PLEKHH2: variants seen among roughly 807,000 people sequenced by gnomAD.
PLEKHH2 encodes pleckstrin homology, MyTH4 and FERM domain containing H2.
In PLEKHH2, 129 loss-of-function variants were observed where a neutral mutation model predicts 187.9. That is an observed-to-expected ratio of 0.69 (90% confidence interval 0.59 to 0.79). PLEKHH2 has a LOEUF of 0.79. PLEKHH2 is among the 30% of genes least tolerant of loss of function. The pLI is 0.00. For synonymous variants in PLEKHH2, 686 were observed against 605.6 expected (o/e 1.13, Z -1.95); for missense variants, 2,076 against 1,751.2 (o/e 1.19, Z -3.31).
intron 8 of PLEKHH2, among the ~76,000 whole-genome samples, chr2:43,701,857 A>T (rs28558503): frequency 0.59 from 89,104 of 150,314 alleles, 27,734 homozygotes; most frequent in African/African-American, 0.78. Flanking sequence ...AACCTCTGCC[A>T]CCTGGGTTCA....
chr2:43,731,632 T>A (rs1401003920), intron 19 of PLEKHH2, 30 bp downstream of exon 19: 8 of 1,363,790 alleles, frequency 5.9e-6, no homozygotes, highest in Non-Finnish European at 8.1e-6. Context: ...TTAAATGATT[T>A]AAGGTAAAAT....
intron 20 of PLEKHH2, among the ~76,000 whole-genome samples, chr2:43,739,606 T>C (rs1671466284): frequency 6.6e-6 from 1 of 152,190 alleles, no homozygotes; most frequent in Non-Finnish European, 1.5e-5. Context: ...GTAAACACAG[T>C]TAATAAGCCT....
intron 27 of PLEKHH2, among the ~76,000 whole-genome samples, chr2:43,760,841 T>C (rs1325064935): frequency 6.6e-6 from 1 of 152,262 alleles, no homozygotes; most frequent in Non-Finnish European, 1.5e-5. Context: ...TTTCTGTCTC[T>C]ATGCATTTGA....
rs542011156 is a variant in PLEKHH2, at chr2:43,678,691, G to C, written c.124-172G>C. Among the ~76,000 whole-genome samples the C allele has an allele frequency of 6.6e-5, 10 of 151,846 alleles. No individual in the cohort carries two copies. In the South Asian group the frequency reaches 2.1e-3, roughly 32 times the overall value. ...TCCAGCTTCGGCTCGGCATCAGAGG[G>C]AGACCATGGAAAGAGAGGGAGAGGG... On this transcript the variant is annotated intron_variant, in intron 2 of 29. Coordinates refer to ENST00000282406, the MANE Select transcript of PLEKHH2 (RefSeq NM_172069.4).
rs1301825868 is a variant in PLEKHH2, at chr2:43,762,339, G to A, written c.4107G>A (p.Leu1369=). 2 of 1,613,184 alleles carry A rather than the reference G, an allele frequency of 1.2e-6. No homozygotes were observed. The highest frequency in any genetic ancestry group is 1.1e-5 in the South Asian group (1 of 91,046). ...ITPSSLGSTF[L]WLAVHEDGLS... Reference sequence around the variant, plus strand: ...CATCATCACTTGGAAGTACTTTCTTGTGGCTGGCTGTACATGAGGATGGTT... The same window carrying A: ...CATCATCACTTGGAAGTACTTTCTTATGGCTGGCTGTACATGAGGATGGTT... Residue 1369 remains leucine, a synonymous_variant, in exon 28 of 30, where the codon TTG becomes TTA. Transcript: ENST00000282406.
intron 7 of PLEKHH2, among the ~76,000 whole-genome samples, chr2:43,698,435 A>T (rs1459740024): frequency 5.3e-5 from 8 of 151,998 alleles, no homozygotes; most frequent in South Asian, 2.1e-4. Context: ...TTTTGTAGAG[A>T]TGGGGTTTCA....
chr2:43,759,094 C>G (rs1053981670), intron 27 of PLEKHH2, 65 bp downstream of exon 27: 1 of 1,519,792 alleles, frequency 6.6e-7, no homozygotes, highest in Admixed American at 1.9e-5. Context: ...CCAGATTTAC[C>G]CCAGACTTAG....
chr2:43,654,706 C>A (rs1201195160), intron 2 of PLEKHH2, among the ~76,000 whole-genome samples: 1 of 31,884 alleles, frequency 3.1e-5, no homozygotes, highest in Non-Finnish European at 7.1e-5. Context: ...AGTAAGACAC[C>A]CCCCCCCCCC....
intron 3 of PLEKHH2, among the ~76,000 whole-genome samples, chr2:43,687,331 T>C (rs1177708155): frequency 1.3e-5 from 2 of 152,230 alleles, no homozygotes; most frequent in Non-Finnish European, 2.9e-5. Context: ...GATCTCATTC[T>C]TTTTTATGGC....
chr2:43,715,153 G>T (rs1271573874), intron 15 of PLEKHH2, among the ~76,000 whole-genome samples: 1 of 152,036 alleles, frequency 6.6e-6, no homozygotes, highest in Non-Finnish European at 1.5e-5. Flanking sequence ...GCGGGCACCT[G>T]TAATCCCAGC....
rs76894979 is a variant in PLEKHH2 at position 43,700,400 on chromosome 2, C to A, written c.1442C>A (p.Pro481Gln). The A allele has an allele frequency of 1.9e-6, 3 of 1,614,060 alleles. No individual in the cohort carries two copies. The highest frequency in any genetic ancestry group is 2.5e-6 in the Non-Finnish European group (3 of 1,180,006). ...TNRNAISMIR[P>Q]LRPQETDLDL... is the part of the protein sequence containing the mutation. ...AGAAACGCTATAAGCATGATACGAC[C>A]ACTGAGACCTCAGGAAACTGATCTT... The change falls in exon 8 of 30, where the codon CCA (proline) becomes CAA (glutamine). Residue 481 changes from proline to glutamine, a missense_variant. Transcript: ENST00000282406.
chr2:43,655,725 T>G (rs1666722037), intron 2 of PLEKHH2, among the ~76,000 whole-genome samples: 1 of 152,158 alleles, frequency 6.6e-6, no homozygotes, highest in South Asian at 2.1e-4. Context: ...GAAATCTCAC[T>G]TGGGGTAGGA....
chr2:43,651,573 T>C (rs575933092), intron 2 of PLEKHH2, among the ~76,000 whole-genome samples: 10 of 152,198 alleles, frequency 6.6e-5, no homozygotes, highest in Non-Finnish European at 1.5e-4. Context: ...TTGTGTCTTT[T>C]TTTTTGTATT....
At chr2:43,724,686 A>G (rs1355396505) in intron 16 of PLEKHH2, among the ~76,000 whole-genome samples, 1 of 152,158 alleles carries the variant, frequency 6.6e-6, no homozygotes, top group Non-Finnish European at 1.5e-5. Flanking sequence ...TGCACTACCT[A>G]TCTAATCTTG....
rs780924452 is a variant in PLEKHH2, at chr2:43,678,944, T to TTA, written c.186+20_186+21dup. On this transcript the variant is annotated intron_variant, in intron 3 of 29. Coordinates refer to ENST00000282406, the MANE Select transcript of PLEKHH2 (RefSeq NM_172069.4). ...TCAACAGGTAGAGTATAATTTTACT[T>TTA]TAAATTTTTTTTGCCTGTACTACTC... The TTA allele has an allele frequency of 6.3e-6, 10 of 1,583,312 alleles. No homozygotes were observed. The African/African-American group carries it at 1.3e-4, about 21-fold the overall frequency.
chr2:43,710,476 C>G lies in PLEKHH2; in HGVS notation c.2215-13C>G, dbSNP rs776316557. 6 of 1,590,598 alleles carry G rather than the reference C, an allele frequency of 3.8e-6. No homozygotes were observed. Among genetic ancestry groups the G allele is most frequent in the African/African-American group, 2.7e-5 (2 of 72,798 alleles). On this transcript the variant is annotated splice_polypyrimidine_tract_variant and intron_variant, in intron 13 of 29. Coordinates refer to ENST00000282406, the MANE Select transcript of PLEKHH2 (RefSeq NM_172069.4). ...AGTTAATCACTTTCCATTTGTTTTT[C>G]TGTTTCATACAGAGTGATGTAATTA...
chr2:43,705,669 T>A (rs1313114564), intron 9 of PLEKHH2, among the ~76,000 whole-genome samples: 1 of 152,152 alleles, frequency 6.6e-6, no homozygotes, highest in Non-Finnish European at 1.5e-5. Flanking sequence ...TCGCCCAGGC[T>A]GTAGTGCAGT....
At chr2:43,675,248 A>C (rs1243977418) in intron 2 of PLEKHH2, 3 of 557,828 alleles carry the variant, frequency 5.4e-6, no homozygotes, top group African/African-American at 3.8e-5. Context: ...TTACATCTTC[A>C]TACTGTTTTC....
intron 15 of PLEKHH2, among the ~76,000 whole-genome samples, chr2:43,719,253 G>C (rs539789162): frequency 6.6e-6 from 1 of 152,252 alleles, no homozygotes; most frequent in Middle Eastern, 3.4e-3. Context: ...TTAAGAGCTA[G>C]ATTCAAATTC....
Sources: gnomAD v4.1 joint callset for allele counts (sites outside exome capture counted in the v4.1 genomes callset) on GRCh38, gnomAD v4.1.1 for gene constraint, MANE v1.5 for transcripts, NCBI Gene and HGNC (gene_info 2026-07-23, HGNC 2026-07-21) for gene names.